TSPAN18: variants seen among roughly 807,000 people sequenced by gnomAD.
The protein encoded by TSPAN18 is tetraspanin-18.
A neutral mutation model predicts 27.3 loss-of-function variants in TSPAN18; 14 were observed. The ratio of observed to expected loss-of-function variants is 0.51; its 90% CI spans 0.34 to 0.80. The LOEUF is 0.80. TSPAN18 is among the 30% of genes least tolerant of loss of function. The probability of loss-of-function intolerance (pLI) is 0.01; values close to 1 mark genes in which losing one functional copy is unlikely to be tolerated. For synonymous variants in TSPAN18, 143 were observed against 136.5 expected, an observed-to-expected ratio of 1.05 and a Z score of -0.33; for missense variants, 268 against 323.9, an observed-to-expected ratio of 0.83 and a Z score of 1.32.
intron 3 of TSPAN18, among the ~76,000 whole-genome samples, chr11:44,870,677 C>T (rs1205650582): frequency 6.6e-6 from 1 of 152,164 alleles, no homozygotes; most frequent in Non-Finnish European, 1.5e-5. Context: ...CATTTTACAG[C>T]TCAGGAAATT....
intron 4 of TSPAN18, among the ~76,000 whole-genome samples, chr11:44,908,769 G>GAGAAAGAAAGAAAGAAAGAAA (rs1859564689): frequency 1.4e-5 from 1 of 71,620 alleles, no homozygotes; most frequent in Non-Finnish European, 2.6e-5. Context: ...AGAGAGAAAG[G>GAGAAAGAAAGAAAGAAAGAAA]AGAAAGAAAG....
rs768694755 is a variant in TSPAN18 at position 44,919,918 on chromosome 11, G to T, written c.534G>T (p.Arg178=). The T allele has an allele frequency of 5.0e-6, 8 of 1,614,128 alleles. No individual in the cohort carries two copies. In the South Asian group the frequency reaches 8.8e-5, roughly 18 times the overall value. Residue 178 remains arginine, a synonymous_variant, in exon 8 of 10, where the codon CGG becomes CGT. Coordinates refer to ENST00000520358, the MANE Select transcript of TSPAN18 (RefSeq NM_130783.5). Reference sequence around the variant, plus strand: ...AAGAGGTGCCGGAGGCCTGCTGCCGGAGGGAACCCCAAAGTCGGGACGGGG... The same window carrying T: ...AAGAGGTGCCGGAGGCCTGCTGCCGTAGGGAACCCCAAAGTCGGGACGGGG... ...DSEEVPEACC[R]REPQSRDGVL... is the part of the protein sequence containing the mutation.
chr11:44,920,100 C>T (rs1860071442), intron 8 of TSPAN18, 101 bp downstream of exon 8: 10 of 1,174,344 alleles, frequency 8.5e-6, no homozygotes, highest in Admixed American at 2.8e-5. Context: ...TGAAGCTACC[C>T]CAGGAATCCC....
chr11:44,733,278 G>T (rs1468150647), intron 1 of TSPAN18, among the ~76,000 whole-genome samples: 1 of 152,196 alleles, frequency 6.6e-6, no homozygotes, highest in African/African-American at 2.4e-5. Context: ...GTATGTTGCT[G>T]GTTGTTAACA....
intron 2 of TSPAN18, among the ~76,000 whole-genome samples, chr11:44,806,327 G>A (rs1257082187): frequency 2.0e-5 from 3 of 152,144 alleles, no homozygotes; most frequent in Admixed American, 6.5e-5. Context: ...GAGCCACCGC[G>A]CCTGGCCAAT....
chr11:44,730,124 C>T (rs916943401), intron 1 of TSPAN18, among the ~76,000 whole-genome samples: 36 of 151,854 alleles, frequency 2.4e-4, no homozygotes, highest in Non-Finnish European at 3.2e-4. Context: ...TCTCTCTGCC[C>T]GCCTGTACAC....
rs111566947 is a variant in TSPAN18, at chr11:44,915,884, G to A, written c.259-2088G>A. 7.2e-3 allele frequency among the ~76,000 whole-genome samples: 1,092 copies of A among 152,328 alleles called. 21 individuals are homozygous for A. The highest frequency in any genetic ancestry group is 0.025 in the African/African-American group (1,035 of 41,568). On this transcript the variant is annotated intron_variant, in intron 5 of 9. Coordinates refer to ENST00000520358, the MANE Select transcript of TSPAN18 (RefSeq NM_130783.5). ...AGCGTCCGGTGCCCGGCGGTCCCCT[G>A]TGAGAGCAGAAGCCTGTGTCGGAGC...
At chr11:44,790,604 A>G (rs1225719642) in intron 2 of TSPAN18, among the ~76,000 whole-genome samples, 1 of 147,768 alleles carries the variant, frequency 6.8e-6, no homozygotes, top group Non-Finnish European at 1.5e-5. Context: ...GTGTGTGTGC[A>G]TGTGTTCGTG....
intron 1 of TSPAN18, among the ~76,000 whole-genome samples, chr11:44,728,238 T>C (rs561111807): frequency 6.6e-6 from 1 of 152,256 alleles, no homozygotes; most frequent in East Asian, 1.9e-4. Context: ...GGAGTCAGGA[T>C]GTGATTTTTC....
At chr11:44,828,610 T>C (rs1017620604) in intron 2 of TSPAN18, among the ~76,000 whole-genome samples, 1 of 152,110 alleles carries the variant, frequency 6.6e-6, no homozygotes, top group African/African-American at 2.4e-5. Flanking sequence ...GGCTTCTGAA[T>C]CTCTAGCTAG....
chr11:44,810,131 C>T (rs533135757), intron 2 of TSPAN18, among the ~76,000 whole-genome samples: 9 of 152,220 alleles, frequency 5.9e-5, no homozygotes, highest in Admixed American at 3.3e-4. Flanking sequence ...TTTCCAAAAA[C>T]CATTTATTGA....
intron 3 of TSPAN18, among the ~76,000 whole-genome samples, chr11:44,872,921 C>A (rs1008261340): frequency 1.3e-5 from 2 of 152,186 alleles, no homozygotes; most frequent in African/African-American, 4.8e-5. Context: ...CAGGCAGTGG[C>A]AGGACTGCAT....
intron 2 of TSPAN18, among the ~76,000 whole-genome samples, chr11:44,783,665 G>A (rs1448925396): frequency 2.0e-5 from 3 of 152,166 alleles, no homozygotes; most frequent in African/African-American, 7.2e-5. Context: ...CCAGAGTGCT[G>A]GGATTACAGG....
intron 2 of TSPAN18, among the ~76,000 whole-genome samples, chr11:44,842,096 C>G (rs1857386113): frequency 6.6e-6 from 1 of 152,176 alleles, no homozygotes; most frequent in Non-Finnish European, 1.5e-5. Flanking sequence ...GCCCTTGAAC[C>G]CAGATCCTCA....
intron 2 of TSPAN18, among the ~76,000 whole-genome samples, chr11:44,789,085 T>C (rs1856130009): frequency 6.6e-6 from 1 of 152,228 alleles, no homozygotes; most frequent in Admixed American, 6.5e-5. Context: ...CCCTTCGCGC[T>C]AACCTGACAA....
intron 1 of TSPAN18, among the ~76,000 whole-genome samples, chr11:44,748,307 A>G (rs1298982452): frequency 6.6e-6 from 1 of 151,036 alleles, no homozygotes; most frequent in Non-Finnish European, 1.5e-5. Context: ...CTGAGGCACA[A>G]GAATTTCCTG....
At chr11:44,903,956 T>G in intron 3 of TSPAN18, 1 of 446,826 alleles carries the variant, frequency 2.2e-6, no homozygotes, top group Non-Finnish European at 4.5e-6. Context: ...ATGTAAAGTA[T>G]CAGGACGGAG....
At chr11:44,887,942 A>G (rs835768) in intron 3 of TSPAN18, among the ~76,000 whole-genome samples, 48,866 of 152,016 alleles carry the variant, frequency 0.32, 9,270 homozygotes, top group Non-Finnish European at 0.44. Flanking sequence ...ACAGCCCTGC[A>G]TATTTTGGGA....
intron 3 of TSPAN18, among the ~76,000 whole-genome samples, chr11:44,905,552 A>G (rs1377405597): frequency 6.6e-6 from 1 of 152,200 alleles, no homozygotes; most frequent in Non-Finnish European, 1.5e-5. Context: ...CGAATATGGA[A>G]TGTAAACATG....
Sources: gnomAD v4.1 joint callset for allele counts (sites outside exome capture counted in the v4.1 genomes callset) on GRCh38, gnomAD v4.1.1 for gene constraint, MANE v1.5 for transcripts, NCBI Gene and HGNC (gene_info 2026-07-23, HGNC 2026-07-21) for gene names.